The following ADGRA3 variants were observed in gnomAD, a reference collection of about 807,000 sequenced individuals.
ADGRA3 encodes G-protein coupled receptor 125.
In ADGRA3, 56 loss-of-function variants were observed where a neutral mutation model predicts 119.8. The ratio of observed to expected loss-of-function variants is 0.47; its 90% CI spans 0.38 to 0.58. The LOEUF is 0.58. Ranked by LOEUF, ADGRA3 falls within the 20% of genes least tolerant of loss-of-function variation. ADGRA3 has a pLI of 0.00. For synonymous variants in ADGRA3, 607 were observed against 623.8 expected (o/e 0.97, Z 0.40); for missense variants, 1,516 against 1,649.0 (o/e 0.92, Z 1.40).
intron 2 of ADGRA3, among the ~76,000 whole-genome samples, chr4:22,462,515 A>C (rs1213979822): frequency 2.0e-5 from 3 of 152,100 alleles, no homozygotes; most frequent in Non-Finnish European, 4.4e-5. Flanking sequence ...GGGTTTTGCC[A>C]TGTTGGCCAG....
At chr4:22,394,755 C>A (rs1714281981) in intron 16 of ADGRA3, 1 of 152,192 alleles carries the variant, frequency 6.6e-6, no homozygotes, top group African/African-American at 2.4e-5. Flanking sequence ...CAAAACACAT[C>A]TTTAGGCACT....
Position 22,420,945 on chromosome 4 carries a change from C to T in ADGRA3, c.1750G>A (p.Asp584Asn). The change falls in exon 12 of 19, where the codon GAT (aspartate) becomes AAT (asparagine). Residue 584 changes from aspartate (D) to asparagine (N), a missense_variant. Physicochemically the swap from Asp to Asn is conservative, Grantham distance 23. Around this residue, in one of 2 missense-constraint regions of ADGRA3, gnomAD observed 1,088 missense variants for 1,107.1 expected, o/e 0.98. Transcript: ENST00000334304. ...TTGCACTTAAAGCTCAGCTGCTTAT[C>T]CAGGTTTCCCTCTGGATCCCGCCTC... ...YGRRDPEGNL[D>N]KQLSFKCNVS... The T allele has an allele frequency of 6.2e-7, 1 of 1,614,084 alleles. No individual in the cohort carries two copies. Among genetic ancestry groups the T allele is most frequent in the Non-Finnish European group, 8.5e-7 (1 of 1,179,990 alleles).
intron 16 of ADGRA3, chr4:22,397,939 C>T (rs759815311): frequency 2.2e-5 from 6 of 275,976 alleles, no homozygotes; most frequent in Non-Finnish European, 3.3e-5. Context: ...CACAGAATAA[C>T]ACTGGGGGAT....
At chr4:22,399,759 T>A (rs1433668485) in intron 16 of ADGRA3, among the ~76,000 whole-genome samples, 1 of 152,178 alleles carries the variant, frequency 6.6e-6, no homozygotes, top group Non-Finnish European at 1.5e-5. Flanking sequence ...TAGAAGACAG[T>A]CTTCTGGCTC....
intron 5 of ADGRA3, among the ~76,000 whole-genome samples, chr4:22,447,172 A>G (rs979863713): frequency 3.3e-5 from 5 of 152,146 alleles, no homozygotes; most frequent in African/African-American, 1.2e-4. Flanking sequence ...ATTTGAAAAA[A>G]AAGTCAAAAA....
In ADGRA3 at chr4:22,388,983, A is replaced by C. The variant is rs756182925; in HGVS notation, c.2724-36T>G. The C allele has an allele frequency of 1.9e-6, 3 of 1,606,010 alleles. No homozygotes were observed. In the South Asian group the frequency reaches 3.3e-5, roughly 18 times the overall value. ...AAATGGTAAACCAGATCGATGCTAC[A>C]TGTTTCAACAAATTATCTACGAAAT... On this transcript the variant is annotated intron_variant, in intron 18 of 18. Transcript: ENST00000334304.
rs775387546 is a variant in ADGRA3 at position 22,388,800 on chromosome 4, C to T, written c.2871G>A (p.Glu957=). 5.6e-6 allele frequency: 9 copies of T among 1,613,956 alleles called. No individual in the cohort carries two copies. In the African/African-American group the frequency reaches 1.2e-4, roughly 22 times the overall value. ...ERKYELKEPT[E]EQQRLAANEN... ...CATTGGCTGCCAATCTCTGTTGCTC[C>T]TCCGTGGGCTCCTTAAGCTCATATT... The change falls in exon 19 of 19, where the codon GAG becomes GAA. Residue 957 remains glutamate, a synonymous_variant. Transcript: ENST00000334304.
chr4:22,475,735 A>T, intron 1 of ADGRA3, among the ~76,000 whole-genome samples: 1 of 151,092 alleles, frequency 6.6e-6, no homozygotes, highest in African/African-American at 2.4e-5. Flanking sequence ...TCGGAAAAAA[A>T]AATAAATAAA....
intron 4 of ADGRA3, among the ~76,000 whole-genome samples, chr4:22,449,774 T>A (rs1716965653): frequency 6.6e-6 from 1 of 150,452 alleles, no homozygotes; most frequent in Non-Finnish European, 1.5e-5. Context: ...AGCCTAAGGC[T>A]AAGCGGAGGT....
At chr4:22,402,145 T>A (rs956793334) in intron 15 of ADGRA3, among the ~76,000 whole-genome samples, 8 of 152,192 alleles carry the variant, frequency 5.3e-5, no homozygotes, top group Non-Finnish European at 4.4e-5. Flanking sequence ...GCTTAGCGTA[T>A]CCTTTTAGTT....
intron 2 of ADGRA3, among the ~76,000 whole-genome samples, chr4:22,463,960 T>G (rs1359956353): frequency 2.0e-5 from 3 of 152,044 alleles, no homozygotes; most frequent in Non-Finnish European, 2.9e-5. Context: ...CTGGGATCAC[T>G]GTGACCTCCA....
At chr4:22,515,475 G>C in intron 1 of ADGRA3, 53 bp downstream of exon 1, 7 of 1,575,256 alleles carry the variant, frequency 4.4e-6, no homozygotes, top group South Asian at 1.1e-5. Flanking sequence ...GTTGAGCGGA[G>C]AGATAAGAAA....
chr4:22,440,350 T>G lies in ADGRA3; in HGVS notation c.921-1930A>C, dbSNP rs185884571. On this transcript the variant is annotated intron_variant, in intron 7 of 18. Coordinates refer to ENST00000334304, the MANE Select transcript of ADGRA3 (RefSeq NM_145290.4). Reference sequence around the variant, plus strand: ...TTAAAAAGAAAGAAGTAGCTTCAATTTCAACTCCTAAGAAAAATGCTGTTT... The same window carrying G: ...TTAAAAAGAAAGAAGTAGCTTCAATGTCAACTCCTAAGAAAAATGCTGTTT... Among the ~76,000 whole-genome samples, 66 of 152,294 alleles carry G rather than the reference T, an allele frequency of 4.3e-4. 1 individual carries two copies. The highest frequency in any genetic ancestry group is 1.6e-3 in the African/African-American group (66 of 41,568).
intron 14 of ADGRA3, among the ~76,000 whole-genome samples, chr4:22,410,619 T>C (rs773049631): frequency 1.6e-4 from 25 of 152,154 alleles, no homozygotes; most frequent in Non-Finnish European, 3.2e-4. Context: ...TAGGATTTTA[T>C]CAATTTTTAA....
At chr4:22,416,352 A>G (rs1051549779) in intron 12 of ADGRA3, among the ~76,000 whole-genome samples, 1 of 152,198 alleles carries the variant, frequency 6.6e-6, no homozygotes, top group Non-Finnish European at 1.5e-5. Context: ...GGGAAAAACA[A>G]GTTTTCGGTT....
chr4:22,420,689 G>A lies in ADGRA3; in HGVS notation c.1809+197C>T, dbSNP rs1481862928. 8.6e-6 allele frequency: 5 copies of A among 578,182 alleles called. No homozygotes were observed. The African/African-American group carries it at 9.3e-5, about 11-fold the overall frequency. The allele number at this position is 578,182 out of a possible 1,614,324, so 35.8% of individuals were successfully genotyped here. ...TTTATGTGAAGAAAGGGAATCAAAG[G>A]CAAAAATGCCTAGGGCCCTTGAAAG... On this transcript the variant is annotated intron_variant, in intron 12 of 18. Transcript: ENST00000334304.
intron 1 of ADGRA3, among the ~76,000 whole-genome samples, chr4:22,475,681 C>T (rs985176173): frequency 6.6e-6 from 1 of 151,348 alleles, no homozygotes; most frequent in Middle Eastern, 3.2e-3. Context: ...GAGCCGAGAT[C>T]GTGCCACTGC....
intron 2 of ADGRA3, among the ~76,000 whole-genome samples, chr4:22,464,872 C>T (rs17533181): frequency 6.6e-6 from 1 of 152,182 alleles, no homozygotes. Context: ...GCTGCCCTTG[C>T]GTCTCATGGT....
Position 22,413,611 on chromosome 4 carries a change from G to A in ADGRA3, c.2013C>T (p.Leu671=), listed in dbSNP as rs113497728. The A allele has an allele frequency of 4.3e-3, 6,899 of 1,613,542 alleles. 115 individuals carry two copies. In the East Asian group the frequency reaches 0.044, roughly 10 times the overall value. ...KRRTVVTPVI[L]TKIDGVNVDT... is the part of the protein sequence containing the mutation. ...ATGCCACATACAAACCTATTTTGGT[G>A]AGAATCACAGGGGTAACCACAGTAC... Residue 671 remains leucine, a synonymous_variant, in exon 13 of 19, where the codon CTC becomes CTT. Coordinates refer to ENST00000334304, the MANE Select transcript of ADGRA3 (RefSeq NM_145290.4).
Sources: allele counts gnomAD v4.1 joint callset (sites outside exome capture counted in the v4.1 genomes callset), GRCh38; gene constraint gnomAD v4.1.1; regional missense constraint gnomAD v4.1.1; transcripts MANE v1.5; gene names NCBI Gene and HGNC (gene_info 2026-07-23, HGNC 2026-07-21).